FLRT2: variants seen among roughly 807,000 people sequenced by gnomAD.
FLRT2 encodes the protein fibronectin leucine rich transmembrane protein 2.
Under a neutral mutation model 40.0 loss-of-function variants are expected in FLRT2, and 15 were observed. The observed-to-expected ratio is 0.38, with a 90% confidence interval of 0.25 to 0.58. The LOEUF (loss-of-function observed/expected upper bound fraction) is 0.58, where lower values mean the gene tolerates loss of function less well. Among genes scored for constraint, FLRT2 ranks in the 20% least tolerant of loss-of-function variants. The pLI, the probability that FLRT2 is intolerant of heterozygous loss-of-function variation, is 0.71. For synonymous variants in FLRT2, 380 were observed against 336.8 expected, an observed-to-expected ratio of 1.13 and a Z score of -1.41; for missense variants, 726 against 840.0, an observed-to-expected ratio of 0.86 and a Z score of 1.68.
At chr14:85,606,585 T>G (rs1409009986) in intron 1 of FLRT2, among the ~76,000 whole-genome samples, 1 of 144,182 alleles carries the variant, frequency 6.9e-6, no homozygotes, top group Non-Finnish European at 1.5e-5. Flanking sequence ...AGTGCGGTGG[T>G]GCGATCTCAG....
At chr14:85,561,097 T>A (rs1890288530) in intron 1 of FLRT2, 1 of 152,230 alleles carries the variant, frequency 6.6e-6, no homozygotes. Flanking sequence ...ACAGTCTATA[T>A]TTCTTTGCCT....
rs547290528 is a variant in FLRT2 at position 85,625,580 on chromosome 14, T to C, written c.*2083T>C. 3 of 167,160 alleles carry C rather than the reference T, an allele frequency of 1.8e-5. No homozygotes were observed. In the Admixed American group the frequency reaches 2.0e-4, roughly 11 times the overall value. 10.4% of individuals were successfully genotyped at this position (167,160 alleles called of 1,614,324 possible). A position where few individuals can be genotyped will look rare whatever the true frequency, so the allele number is the denominator to read the frequency against. On this transcript the variant is annotated 3_prime_UTR_variant, in exon 2 of 2. Coordinates refer to ENST00000330753, the MANE Select transcript of FLRT2 (RefSeq NM_013231.6). ...AATTCTAAAGTGACTCTGGTTTCCATTTTAGTCTATTAGCTAGAGGGTTTT... is the reference window on the plus strand; with the variant it reads ...AATTCTAAAGTGACTCTGGTTTCCACTTTAGTCTATTAGCTAGAGGGTTTT...
intron 1 of FLRT2, among the ~76,000 whole-genome samples, chr14:85,538,688 T>G (rs1234257807): frequency 6.6e-6 from 1 of 152,106 alleles, no homozygotes; most frequent in Non-Finnish European, 1.5e-5. Context: ...TAGATGATAT[T>G]AGGCCTCAGA....
At chr14:85,574,775 C>G (rs895350827) in intron 1 of FLRT2, among the ~76,000 whole-genome samples, 1 of 152,160 alleles carries the variant, frequency 6.6e-6, no homozygotes, top group African/African-American at 2.4e-5. Context: ...TGCAGAGTAT[C>G]TTGATGTGAG....
intron 1 of FLRT2, among the ~76,000 whole-genome samples, chr14:85,555,706 A>C (rs939753420): frequency 2.0e-5 from 3 of 149,680 alleles, no homozygotes; most frequent in Non-Finnish European, 4.4e-5. Flanking sequence ...ATTTTATTTT[A>C]TTTTATTTTA....
chr14:85,588,173 T>C (rs1265056870), intron 1 of FLRT2, among the ~76,000 whole-genome samples: 1 of 152,228 alleles, frequency 6.6e-6, no homozygotes, highest in East Asian at 1.9e-4. Context: ...CATACTATTA[T>C]ACACTTAAAA....
At chr14:85,596,198 C>T (rs1382913663) in intron 1 of FLRT2, among the ~76,000 whole-genome samples, 2 of 152,332 alleles carry the variant, frequency 1.3e-5, no homozygotes, top group East Asian at 3.9e-4. Context: ...GCCCCTGAAC[C>T]TTTGCCGTTG....
chr14:85,583,980 C>A (rs1258215045), intron 1 of FLRT2, among the ~76,000 whole-genome samples: 2 of 148,132 alleles, frequency 1.4e-5, no homozygotes, highest in Non-Finnish European at 1.5e-5. Context: ...AAAAAAAAGA[C>A]TAGGTAGTGA....
intron 1 of FLRT2, among the ~76,000 whole-genome samples, chr14:85,541,299 T>G (rs1888972203): frequency 6.6e-6 from 1 of 152,184 alleles, no homozygotes; most frequent in Non-Finnish European, 1.5e-5. Flanking sequence ...ATCCATGAAC[T>G]GGGCATAGAG....
In FLRT2 at chr14:85,621,784, GCAC is replaced by G; in HGVS notation, c.271_273del (p.His91del). 1 of 1,614,190 alleles carries G rather than the reference GCAC, an allele frequency of 6.2e-7. No homozygotes were observed. Among genetic ancestry groups the G allele is most frequent in the Non-Finnish European group, 8.5e-7 (1 of 1,180,032 alleles). On this transcript the variant is annotated inframe_deletion, in exon 2 of 2. Coordinates refer to ENST00000330753, the MANE Select transcript of FLRT2 (RefSeq NM_013231.6). ...CAGAACTGCACAATGTACAGTCGGT[GCAC>G]ACGGTCTACCTGTATGGCAACCAAC...
chr14:85,596,258 A>G (rs757534496), intron 1 of FLRT2, among the ~76,000 whole-genome samples: 1 of 152,170 alleles, frequency 6.6e-6, no homozygotes, highest in Non-Finnish European at 1.5e-5. Flanking sequence ...CTGACATAGA[A>G]ACTGTCCTCG....
Position 85,640,144 on chromosome 14 carries a change from C to A in FLRT2, c.*16647C>A, listed in dbSNP as rs2145470. Reference sequence around the variant, plus strand: ...ATTACAGGCGTGAGCCACTGCCCCCCACCCACTAGCAGAAATTCTTAACAG... The same window carrying A: ...ATTACAGGCGTGAGCCACTGCCCCCAACCCACTAGCAGAAATTCTTAACAG... On this transcript the variant is annotated 3_prime_UTR_variant, in exon 2 of 2. Coordinates refer to ENST00000330753, the MANE Select transcript of FLRT2 (RefSeq NM_013231.6). 49,986 of 152,090 alleles carry A rather than the reference C, an allele frequency of 0.33. 8,862 individuals are homozygous for A. Among genetic ancestry groups the A allele is most frequent in the Non-Finnish European group, 0.4 (27,131 of 68,030 alleles). The allele number at this position is 152,090 out of a possible 1,614,324, so 9.4% of individuals were successfully genotyped here.
intron 1 of FLRT2, among the ~76,000 whole-genome samples, chr14:85,535,470 A>C (rs1394633753): frequency 6.6e-6 from 1 of 152,142 alleles, no homozygotes; most frequent in Non-Finnish European, 1.5e-5. Context: ...TTGAAGTGTT[A>C]GAACTAGATT....
chr14:85,568,930 T>A (rs1890765256), intron 1 of FLRT2, among the ~76,000 whole-genome samples: 1 of 151,948 alleles, frequency 6.6e-6, no homozygotes, highest in African/African-American at 2.4e-5. Context: ...GTCTGTCTCC[T>A]CTTTTCCCTC....
intron 1 of FLRT2, among the ~76,000 whole-genome samples, chr14:85,619,425 C>T (rs564240758): frequency 5.8e-4 from 88 of 152,134 alleles, no homozygotes; most frequent in African/African-American, 2.1e-3. Flanking sequence ...CATCGTATCT[C>T]TCTATTTTAC....
At chr14:85,536,436 G>T (rs548864572) in intron 1 of FLRT2, among the ~76,000 whole-genome samples, 9 of 152,178 alleles carry the variant, frequency 5.9e-5, no homozygotes, top group Admixed American at 5.9e-4. Flanking sequence ...TTTGCTCTCT[G>T]TTTAGAAGAT....
intron 1 of FLRT2, among the ~76,000 whole-genome samples, chr14:85,574,695 T>C (rs1424598080): frequency 1.3e-5 from 2 of 152,184 alleles, no homozygotes; most frequent in Non-Finnish European, 2.9e-5. Context: ...ATGGCTCCTA[T>C]TAAGCCATCA....
chr14:85,614,873 T>C (rs1893055355), intron 1 of FLRT2, among the ~76,000 whole-genome samples: 1 of 152,206 alleles, frequency 6.6e-6, no homozygotes, highest in Admixed American at 6.5e-5. Context: ...ATGTTATGAA[T>C]GAACTGAATT....
In FLRT2 at chr14:85,640,425, C is replaced by T. The variant is rs1352949542; in HGVS notation, c.*16928C>T. 3 of 152,124 alleles carry T rather than the reference C, an allele frequency of 2.0e-5. No individual in the cohort carries two copies. The highest frequency in any genetic ancestry group is 4.4e-5 in the Non-Finnish European group (3 of 68,028). 9.4% of individuals were successfully genotyped at this position (152,124 alleles called of 1,614,324 possible). A position where few individuals can be genotyped will look rare whatever the true frequency, so the allele number is the denominator to read the frequency against. ...CTTTCCTTGGGAAGTAAACTTTGGTCACCACAATATACATAGCAAGTATTA... is the reference window on the plus strand; with the variant it reads ...CTTTCCTTGGGAAGTAAACTTTGGTTACCACAATATACATAGCAAGTATTA... On this transcript the variant is annotated 3_prime_UTR_variant, in exon 2 of 2. Coordinates refer to ENST00000330753, the MANE Select transcript of FLRT2 (RefSeq NM_013231.6).
Sources: allele counts gnomAD v4.1 joint callset (sites outside exome capture counted in the v4.1 genomes callset), GRCh38; gene constraint gnomAD v4.1.1; transcripts MANE v1.5; gene names NCBI Gene and HGNC (gene_info 2026-07-23, HGNC 2026-07-21).